HOMEZ: variants seen among roughly 807,000 people sequenced by gnomAD.
HOMEZ encodes the protein homeobox and leucine zipper protein Homez.
HOMEZ carries 20 observed loss-of-function variants against 50.1 expected under a neutral mutation model. That is an observed-to-expected ratio of 0.40 (90% CI 0.28 to 0.58). The LOEUF is 0.58. Ranked by LOEUF, HOMEZ falls within the 20% of genes least tolerant of loss-of-function variation. The probability of loss-of-function intolerance (pLI) is 0.46; values close to 1 mark genes in which losing one functional copy is unlikely to be tolerated. For missense variants in HOMEZ, 579 were observed against 680.5 expected (o/e 0.85, Z 1.66); for synonymous variants, 239 against 254.7 (o/e 0.94, Z 0.59).
At position 23,276,305 on chromosome 14, in the gene HOMEZ, G is replaced by T. The variant is rs1034401468; in HGVS notation, c.923C>A (p.Pro308Gln). Residue 308 changes from proline (P) to glutamine (Q), a missense_variant, in exon 2 of 2, where the codon CCA (proline) becomes CAA (glutamine). Pro to Gln is a moderately conservative substitution (Grantham distance 76). Transcript: ENST00000357460. The surrounding 1 kb of genome is among the most constrained non-coding windows in gnomAD (Gnocchi z 4.1). ...CACTGACTGTGGGACACAGCCTAGT[G>T]GCTGGAGGGGTTTAGAGGCGGCAGT... ...GATAASKPLQ[P>Q]LGCVPQSVSP... 5 of 1,613,930 alleles carry T rather than the reference G, an allele frequency of 3.1e-6. No individual in the cohort carries two copies. In the African/African-American group the frequency reaches 5.3e-5, roughly 17 times the overall value.
At chr14:23,283,819 T>TG (rs1010993539) in intron 1 of HOMEZ, among the ~76,000 whole-genome samples, 3 of 152,062 alleles carry the variant, frequency 2.0e-5, no homozygotes, top group African/African-American at 7.2e-5. Flanking sequence ...CGCTTGAACC[T>TG]GGGGGGCGGA....
chr14:23,280,728 T>TTATTTTATTTTATTTTATTG lies in HOMEZ; in HGVS notation c.41-3542_41-3541insCAATAAAATAAAATAAAATA, dbSNP rs1886510447. Among the ~76,000 whole-genome samples the TTATTTTATTTTATTTTATTG allele has an allele frequency of 4.8e-5, 3 of 62,778 alleles. No homozygotes were observed. In the South Asian group the frequency reaches 1.8e-3, roughly 38 times the overall value. 41.2% of individuals were successfully genotyped at this position (62,778 alleles called of 152,430 possible). A position where few individuals can be genotyped will look rare whatever the true frequency, so the allele number is the denominator to read the frequency against. ...ATTTTTATTTTTATTTTATTTTATT[T>TTATTTTATTTTATTTTATTG]TATTTTATTTTATTATTTTATTTTA... On this transcript the variant is annotated intron_variant, in intron 1 of 1. Coordinates refer to ENST00000357460, the MANE Select transcript of HOMEZ (RefSeq NM_020834.3).
intron 1 of HOMEZ, among the ~76,000 whole-genome samples, chr14:23,282,376 C>G (rs192023191): frequency 1.3e-5 from 2 of 152,048 alleles, no homozygotes; most frequent in Non-Finnish European, 2.9e-5. Flanking sequence ...AATTTGGATC[C>G]TTTGTGATCG....
chr14:23,281,689 C>A (rs888982998), intron 1 of HOMEZ, among the ~76,000 whole-genome samples: 9 of 151,956 alleles, frequency 5.9e-5, no homozygotes, highest in African/African-American at 2.2e-4. Flanking sequence ...TTGGGCCGAG[C>A]GCAGTGGCTC....
chr14:23,275,724 G>T lies in HOMEZ; in HGVS notation c.1504C>A (p.Arg502=), dbSNP rs189237333. The T allele has an allele frequency of 6.3e-5, 102 of 1,611,674 alleles. No individual in the cohort carries two copies. The African/African-American group carries it at 1.3e-3, about 20-fold the overall frequency. ...ACCACCTCAGCTGGCTGAGGTAATC[G>T]AGAGTCAAACCAATCCAGCACCTGC... is the stretch of plus-strand genomic sequence containing the variant. ...TQQVLDWFDS[R]LPQPAEVVVC... is the part of the protein sequence containing the mutation. The change falls in exon 2 of 2, where the codon CGA becomes AGA. Residue 502 remains arginine, a synonymous_variant. Coordinates refer to ENST00000357460, the MANE Select transcript of HOMEZ (RefSeq NM_020834.3).
At position 23,272,971 on chromosome 14, in the gene HOMEZ, G is replaced by A. The variant is rs1345209543; in HGVS notation, c.*2604C>T. 2.7e-6 allele frequency: 2 copies of A among 753,422 alleles called. No homozygotes were observed. The highest frequency in any genetic ancestry group is 4.2e-6 in the Non-Finnish European group (2 of 472,032). The allele number at this position is 753,422 out of a possible 1,614,324, so 46.7% of individuals were successfully genotyped here. On this transcript the variant is annotated 3_prime_UTR_variant, in exon 2 of 2. Transcript: ENST00000357460. ...AGTACGCATTAGGGGTGATGGCCCT[G>A]GAAAATGTATCCCTGCATTGTTTCC...
intron 1 of HOMEZ, among the ~76,000 whole-genome samples, chr14:23,281,606 C>T (rs924363954): frequency 6.6e-6 from 1 of 152,004 alleles, no homozygotes; most frequent in Non-Finnish European, 1.5e-5. Flanking sequence ...ACTCCACTTC[C>T]TAGAATGCTG....
intron 1 of HOMEZ, among the ~76,000 whole-genome samples, chr14:23,281,648 A>T (rs1456092621): frequency 1.3e-5 from 2 of 151,906 alleles, no homozygotes; most frequent in Non-Finnish European, 2.9e-5. Flanking sequence ...AACTTCTCTA[A>T]GTCTTAGTTT....
chr14:23,285,371 A>G (rs17256211), intron 1 of HOMEZ: 86,143 of 151,890 alleles, frequency 0.57, 25,320 homozygotes, highest in Non-Finnish European at 0.66. Context: ...CAGAGGACTC[A>G]GGTTCTCAGT....
chr14:23,285,401 G>C (rs1322556074), intron 1 of HOMEZ: 2 of 152,250 alleles, frequency 1.3e-5, no homozygotes, highest in East Asian at 1.9e-4. Context: ...GGTTCTCTTA[G>C]TATGGCTGGG....
chr14:23,285,016 T>C (rs2140510564), intron 1 of HOMEZ: 1 of 152,332 alleles, frequency 6.6e-6, no homozygotes, highest in East Asian at 1.9e-4. Flanking sequence ...TGAGACTCCC[T>C]GTGTAGTTAA....
chr14:23,275,780 T>G lies in HOMEZ; in HGVS notation c.1448A>C (p.Gln483Pro), dbSNP rs1886336805. 1 of 1,613,218 alleles carries G rather than the reference T, an allele frequency of 6.2e-7. No individual in the cohort carries two copies. The highest frequency in any genetic ancestry group is 8.5e-7 in the Non-Finnish European group (1 of 1,179,514). The change falls in exon 2 of 2, where the codon CAA (glutamine) becomes CCA (proline). Residue 483 changes from glutamine (Q) to proline (P), a missense_variant. Physicochemically the swap from Gln to Pro is moderately conservative, Grantham distance 76 (BLOSUM62 -1). Coordinates refer to ENST00000357460, the MANE Select transcript of HOMEZ (RefSeq NM_020834.3). ...GCTAAGCCTTGATGCCTGACTCAATTGAGGGATATCAGTTTCCCGTAGCTG... is the reference window on the plus strand; with the variant it reads ...GCTAAGCCTTGATGCCTGACTCAATGGAGGGATATCAGTTTCCCGTAGCTG... ...HQQLRETDIP[Q>P]LSQASRLSTQ... is the part of the protein sequence containing the mutation.
chr14:23,278,924 C>T (rs963903671), intron 1 of HOMEZ, among the ~76,000 whole-genome samples: 15 of 152,330 alleles, frequency 9.8e-5, no homozygotes, highest in African/African-American at 3.4e-4. Flanking sequence ...GATCCACCGG[C>T]CTCGGCCTCC....
intron 1 of HOMEZ, among the ~76,000 whole-genome samples, chr14:23,279,667 C>T (rs1886445543): frequency 6.6e-6 from 1 of 152,222 alleles, no homozygotes; most frequent in Non-Finnish European, 1.5e-5. Context: ...AAATTTAGAA[C>T]TCATATCTAA....
chr14:23,280,950 T>C (rs1296914257), intron 1 of HOMEZ, among the ~76,000 whole-genome samples: 1 of 151,132 alleles, frequency 6.6e-6, no homozygotes, highest in Non-Finnish European at 1.5e-5. Context: ...TTTTGTATTT[T>C]AGTAGAGACA....
chr14:23,284,972 A>G (rs1444718511), intron 1 of HOMEZ: 1 of 152,100 alleles, frequency 6.6e-6, no homozygotes, highest in Non-Finnish European at 1.5e-5. Flanking sequence ...CAGGCATCCA[A>G]AGTTTTTAAA....
intron 1 of HOMEZ, among the ~76,000 whole-genome samples, chr14:23,282,746 G>A (rs932188158): frequency 6.6e-6 from 1 of 152,162 alleles, no homozygotes; most frequent in African/African-American, 2.4e-5. Flanking sequence ...TTTTACTTTC[G>A]TTTAGGTGGC....
At chr14:23,280,711 T>TTTA (rs1555323555) in intron 1 of HOMEZ, among the ~76,000 whole-genome samples, 2 of 34,378 alleles carry the variant, frequency 5.8e-5, no homozygotes, top group African/African-American at 8.5e-5. Context: ...ATATTTTTAT[T>TTTA]TTTATTTTAT....
Position 23,285,945 on chromosome 14 carries a change from C to A in HOMEZ, c.8G>T (p.Arg3Leu). 1 of 1,245,758 alleles carries A rather than the reference C, an allele frequency of 8.0e-7. No homozygotes were observed. The allele number at this position is 1,245,758 out of a possible 1,614,324, so 77.2% of individuals were successfully genotyped here. Residue 3 changes from arginine to leucine, a missense_variant, in exon 1 of 2, where the codon CGA becomes CTA. Physicochemically the swap from Arg to Leu is moderately radical, Grantham distance 102. Coordinates refer to ENST00000357460, the MANE Select transcript of HOMEZ (RefSeq NM_020834.3). MVRGWEPPPGLDC... is the reference protein window; with the variant it reads MVLGWEPPPGLDC... ...CAGCCCGGGCGGCGGCTCCCAGCCT[C>A]GCACCATGGGCCGGGGGGAAGTGGG...
Sources: gnomAD v4.1 joint callset for allele counts (sites outside exome capture counted in the v4.1 genomes callset) on GRCh38, gnomAD v4.1.1 for gene constraint, Gnocchi (gnomAD v3.1) non-coding constraint, MANE v1.5 for transcripts, NCBI Gene and HGNC (gene_info 2026-07-23, HGNC 2026-07-21) for gene names.